The following MPP7 variants were observed in gnomAD, a reference collection of about 807,000 sequenced individuals.
MPP7 encodes the protein MAGUK p55 subfamily member 7.
A neutral mutation model predicts 76.5 loss-of-function variants in MPP7; 60 were observed. That is an observed-to-expected ratio of 0.78 (90% CI 0.64 to 0.97). MPP7 has a LOEUF of 0.97. Ranked by LOEUF, MPP7 falls within the 50% of genes least tolerant of loss-of-function variation. MPP7 has a pLI of 0.00. For synonymous variants in MPP7, 237 were observed against 244.5 expected (o/e 0.97, Z 0.29); for missense variants, 641 against 694.0 (o/e 0.92, Z 0.86).
At position 28,334,155 on chromosome 10, in the gene MPP7, C is replaced by T. The variant is rs145092262; in HGVS notation, c.-206+263G>A. Among the ~76,000 whole-genome samples the T allele has an allele frequency of 6.5e-3, 991 of 151,846 alleles. 10 individuals are homozygous for T. Among genetic ancestry groups the T allele is most frequent in the African/African-American group, 0.023 (945 of 41,394 alleles). The stretch of plus-strand genomic sequence containing the variant: ...GGTGGAGGTTACAGTGAGCCAAGAT[C>T]ATGCCACTGCACTCCAGTCTGGGTG... On this transcript the variant is annotated intron_variant, in intron 1 of 11. Coordinates refer to the MPP7 transcript ENST00000441595.
chr10:28,302,941 C>T lies in MPP7; in HGVS notation c.-212G>A, dbSNP rs980782553. On this transcript the variant is annotated 5_prime_UTR_variant, in exon 1 of 17. Transcript: ENST00000683449. Reference sequence around the variant, plus strand: ...AGCCCCGGGCCCGGAGGCAAGGAGGCAGCGACCGCCACCGCCGCAGAGGAC... The same window carrying T: ...AGCCCCGGGCCCGGAGGCAAGGAGGTAGCGACCGCCACCGCCGCAGAGGAC... Among the ~76,000 whole-genome samples the T allele has an allele frequency of 2.6e-5, 4 of 152,070 alleles. No homozygotes were observed. Among genetic ancestry groups the T allele is most frequent in the African/African-American group, 9.6e-5 (4 of 41,452 alleles).
chr10:28,120,519 A>C, intron 9 of MPP7, 75 bp downstream of exon 9: 1 of 1,520,502 alleles, frequency 6.6e-7, no homozygotes, highest in Non-Finnish European at 9.1e-7. Context: ...GTGTTGTGAC[A>C]AAGTGGATAT....
chr10:28,065,509 T>G lies in MPP7; in HGVS notation c.1204+4263A>C, dbSNP rs76634817. ...CTGAATAAGAGATCTGAAATTCTTA[T>G]GTGAAGGAGATTCCAAGGGAAAGAT... On this transcript the variant is annotated intron_variant, in intron 13 of 16. Transcript: ENST00000683449. Among the ~76,000 whole-genome samples, 301 of 152,294 alleles carry G rather than the reference T, an allele frequency of 2.0e-3. 4 individuals are homozygous for G. The East Asian group carries it at 0.035, about 18-fold the overall frequency.
chr10:28,060,509 A>G (rs185191808), intron 13 of MPP7, among the ~76,000 whole-genome samples: 152 of 152,346 alleles, frequency 1.0e-3, no homozygotes, highest in Non-Finnish European at 9.0e-4. Context: ...GAAAATAAGT[A>G]AAGCAGGTAG....
At chr10:28,233,918 G>A (rs1838979629) in intron 2 of MPP7, among the ~76,000 whole-genome samples, 1 of 151,312 alleles carries the variant, frequency 6.6e-6, no homozygotes, top group Non-Finnish European at 1.5e-5. Flanking sequence ...AGGAGAGGCA[G>A]AGGGAAAGAA....
intron 1 of MPP7, among the ~76,000 whole-genome samples, chr10:28,244,588 T>C (rs776091456): frequency 1.3e-5 from 2 of 152,146 alleles, no homozygotes; most frequent in Admixed American, 6.5e-5. Flanking sequence ...AAAACCAACA[T>C]ATGTCCTTTC....
intron 2 of MPP7, among the ~76,000 whole-genome samples, chr10:28,234,447 G>T (rs1223243992): frequency 6.6e-6 from 1 of 152,152 alleles, no homozygotes; most frequent in African/African-American, 2.4e-5. Flanking sequence ...ACATGCTACT[G>T]TAAGTGTGGG....
At chr10:28,279,597 C>G (rs1012188718) in intron 1 of MPP7, among the ~76,000 whole-genome samples, 1 of 151,562 alleles carries the variant, frequency 6.6e-6, no homozygotes, top group Non-Finnish European at 1.5e-5. Context: ...CCCAGCAACT[C>G]AGGAGGCCGA....
At chr10:28,073,689 G>T (rs1030158479) in intron 12 of MPP7, among the ~76,000 whole-genome samples, 7 of 152,128 alleles carry the variant, frequency 4.6e-5, no homozygotes, top group Admixed American at 2.6e-4. Flanking sequence ...AGAATCGCTT[G>T]AATCTGAGAG....
At chr10:28,322,697 T>C (rs888561953) in intron 2 of MPP7, among the ~76,000 whole-genome samples, 6 of 152,166 alleles carry the variant, frequency 3.9e-5, no homozygotes, top group African/African-American at 9.7e-5. Flanking sequence ...TCCTGCACCA[T>C]AGAAGCCCAA....
intron 11 of MPP7, among the ~76,000 whole-genome samples, chr10:28,098,396 C>G (rs1204821036): frequency 6.6e-6 from 1 of 151,574 alleles, no homozygotes; most frequent in East Asian, 1.9e-4. Context: ...GTTATGGATA[C>G]AGAAATATAG....
chr10:28,250,569 C>CT (rs1839584293), intron 1 of MPP7, among the ~76,000 whole-genome samples: 1 of 152,168 alleles, frequency 6.6e-6, no homozygotes, highest in Non-Finnish European at 1.5e-5. Context: ...AAGATCCTTA[C>CT]GTGATCACTT....
intron 1 of MPP7, among the ~76,000 whole-genome samples, chr10:28,287,931 T>C (rs889795393): frequency 6.6e-6 from 1 of 152,134 alleles, no homozygotes; most frequent in African/African-American, 2.4e-5. Flanking sequence ...AAATGGCCAC[T>C]TGCAGAGTTT....
intron 7 of MPP7, 152 bp from the exon 8 acceptor site, chr10:28,124,268 A>G (rs1834938206): frequency 1.6e-6 from 1 of 620,950 alleles, no homozygotes; most frequent in Non-Finnish European, 2.9e-6. Context: ...TTCAGCCTCT[A>G]TGCCTCTCCA....
At position 28,249,912 on chromosome 10, in the gene MPP7, T is replaced by C. The variant is rs541853003; in HGVS notation, c.-131-11177A>G. 4.6e-5 allele frequency among the ~76,000 whole-genome samples: 7 copies of C among 152,276 alleles called. No individual in the cohort carries two copies. In the East Asian group the frequency reaches 9.7e-4, roughly 21 times the overall value. On this transcript the variant is annotated intron_variant, in intron 1 of 16. Transcript: ENST00000683449. The stretch of plus-strand genomic sequence containing the variant: ...CCAAGAATGATGTCCTCTTCAACTT[T>C]TGTGCACATTTGAAATTTTTGTTGA...
rs151084909 is a variant in MPP7, at chr10:28,077,806, C to T, written c.1124-7954G>A. ...TCAGCTGAGCTTGCTAATGATAAAG[C>T]GAAGAAGAGAACAGAATCTAAACAG... On this transcript the variant is annotated intron_variant, in intron 12 of 16. Coordinates refer to ENST00000683449, the MANE Select transcript of MPP7 (RefSeq NM_001318170.2). 5.0e-3 allele frequency among the ~76,000 whole-genome samples: 766 copies of T among 152,182 alleles called. 4 individuals carry two copies. Among genetic ancestry groups the T allele is most frequent in the Middle Eastern group, 0.014 (4 of 294 alleles).
chr10:28,060,068 A>G (rs1851718364), intron 13 of MPP7, among the ~76,000 whole-genome samples: 1 of 150,876 alleles, frequency 6.6e-6, no homozygotes, highest in Admixed American at 6.6e-5. Flanking sequence ...TTTTTTTGCA[A>G]ATAATATGCT....
In MPP7 at chr10:28,280,242, T is replaced by C. The variant is rs138005543; in HGVS notation, c.-132+22619A>G. 183 of 152,212 alleles carry C rather than the reference T, an allele frequency of 1.2e-3. 5 individuals carry two copies. Among genetic ancestry groups the C allele is most frequent in the African/African-American group, 4.3e-3 (179 of 41,462 alleles). The allele number at this position is 152,212 out of a possible 1,614,324, so 9.4% of individuals were successfully genotyped here. The stretch of plus-strand genomic sequence containing the variant: ...AGTTATACAGTCGTTCCTCTGTATA[T>C]GTGGGCGAAAAGTCTCCCGATACCA... On this transcript the variant is annotated intron_variant, in intron 1 of 16. Coordinates refer to ENST00000683449, the MANE Select transcript of MPP7 (RefSeq NM_001318170.2).
At chr10:28,314,859 GA>G (rs1841309555) in intron 2 of MPP7, among the ~76,000 whole-genome samples, 4 of 152,038 alleles carry the variant, frequency 2.6e-5, no homozygotes, top group Non-Finnish European at 4.4e-5. Context: ...CTATTTTTAA[GA>G]AAAAAGGCCG....
Sources: gnomAD v4.1 joint callset for allele counts (sites outside exome capture counted in the v4.1 genomes callset) on GRCh38, gnomAD v4.1.1 for gene constraint, MANE v1.5 for transcripts, NCBI Gene and HGNC (gene_info 2026-07-23, HGNC 2026-07-21) for gene names.